The following RAB20 variants were observed in gnomAD, a reference collection of about 807,000 sequenced individuals.
The protein encoded by RAB20 is RAB20, member RAS oncogene family, also known as ras-related protein Rab-20.
Under a neutral mutation model 3.7 loss-of-function variants are expected in RAB20, and 2 were observed. That is an observed-to-expected ratio of 0.54 (90% CI 0.22 to 1.69). RAB20 has a LOEUF of 1.69. Among genes scored for constraint, RAB20 ranks in the 40% most tolerant of loss-of-function variants. RAB20 has a pLI of 0.19. For missense variants in RAB20, 276 were observed against 311.9 expected, an observed-to-expected ratio of 0.88 and a Z score of 0.87; for synonymous variants, 126 against 130.8, an observed-to-expected ratio of 0.96 and a Z score of 0.25.
intron 1 of RAB20, among the ~76,000 whole-genome samples, chr13:110,550,076 G>A (rs545009657): frequency 1.3e-5 from 2 of 152,062 alleles, no homozygotes; most frequent in Non-Finnish European, 2.9e-5. Context: ...GACAACCAAT[G>A]AAGTCTCCAT....
chr13:110,529,272 C>T (rs1181819471), intron 1 of RAB20, among the ~76,000 whole-genome samples: 5 of 152,332 alleles, frequency 3.3e-5, no homozygotes, highest in Middle Eastern at 3.4e-3. Context: ...TGCTCTGAGC[C>T]GGGCCGTCAG....
At chr13:110,540,275 T>C (rs574775507) in intron 1 of RAB20, among the ~76,000 whole-genome samples, 1 of 152,396 alleles carries the variant, frequency 6.6e-6, no homozygotes, top group African/African-American at 2.4e-5. Context: ...AGATACTCTG[T>C]TGTCCTGTAA....
chr13:110,534,251 C>A lies in RAB20; in HGVS notation c.173-10054G>T, dbSNP rs116716922. Among the ~76,000 whole-genome samples the A allele has an allele frequency of 3.6e-3, 552 of 152,330 alleles. 3 individuals are homozygous for A. Among genetic ancestry groups the A allele is most frequent in the African/African-American group, 0.013 (521 of 41,564 alleles). On this transcript the variant is annotated intron_variant, in intron 1 of 1. Transcript: ENST00000267328. ...CAGCCCCCAGACAGCAACAAAGCAA[C>A]CTTGCCTGAGCTCACACACCCTCTG...
In RAB20 at chr13:110,555,618, T is replaced by G. The variant is rs1473723352; in HGVS notation, c.172+5730A>C. ...TGAGACAGACAGAGGAACTGTTTCC[T>G]CGCAGCTTGGGCAGAGGACGCCACG... On this transcript the variant is annotated intron_variant, in intron 1 of 1. Transcript: ENST00000267328. This position sits in a 1 kb window ranked among gnomAD's most constrained non-coding sequence, Gnocchi z 4.0. Among the ~76,000 whole-genome samples, 4 of 152,202 alleles carry G rather than the reference T, an allele frequency of 2.6e-5. No individual in the cohort carries two copies. The highest frequency in any genetic ancestry group is 5.9e-5 in the Non-Finnish European group (4 of 68,030).
chr13:110,552,378 C>CAA (rs34348476), intron 1 of RAB20, among the ~76,000 whole-genome samples: 62 of 121,522 alleles, frequency 5.1e-4, no homozygotes, highest in South Asian at 5.4e-4. Flanking sequence ...GACTCTGTCT[C>CAA]AAAAAAAAAA....
chr13:110,553,461 A>G (rs1197595770), intron 1 of RAB20, among the ~76,000 whole-genome samples: 2 of 152,220 alleles, frequency 1.3e-5, no homozygotes, highest in African/African-American at 4.8e-5. Context: ...CCAACCAGGG[A>G]TCAGCAAATG....
At chr13:110,543,422 G>A (rs187584994) in intron 1 of RAB20, among the ~76,000 whole-genome samples, 7 of 152,226 alleles carry the variant, frequency 4.6e-5, no homozygotes, top group South Asian at 2.1e-4. Context: ...TGAGAGCCAC[G>A]GCACCTGGCC....
intron 1 of RAB20, among the ~76,000 whole-genome samples, chr13:110,533,779 T>C (rs1046494805): frequency 2.0e-5 from 3 of 152,106 alleles, no homozygotes; most frequent in African/African-American, 4.8e-5. Flanking sequence ...CTGTATTCAA[T>C]TGTTTGTTGA....
chr13:110,549,302 A>G (rs1884908018), intron 1 of RAB20, among the ~76,000 whole-genome samples: 1 of 152,248 alleles, frequency 6.6e-6, no homozygotes, highest in African/African-American at 2.4e-5. Context: ...GCAGGAAGGA[A>G]TATTTCAGAC....
At chr13:110,551,527 A>G (rs1196835767) in intron 1 of RAB20, among the ~76,000 whole-genome samples, 2 of 151,928 alleles carry the variant, frequency 1.3e-5, no homozygotes, top group Non-Finnish European at 2.9e-5. Flanking sequence ...TGGCAGAAAG[A>G]CCCCTCAGTG....
At chr13:110,548,965 G>GGTCC (rs1434859663) in intron 1 of RAB20, among the ~76,000 whole-genome samples, 1 of 152,184 alleles carries the variant, frequency 6.6e-6, no homozygotes, top group African/African-American at 2.4e-5. Flanking sequence ...GTAAGGGCTG[G>GGTCC]GTCCCTACAG....
Position 110,561,512 on chromosome 13 carries a change from T to C in RAB20, c.8A>G (p.Lys3Arg). Residue 3 changes from lysine to arginine, a missense_variant, in exon 1 of 2, where the codon AAG becomes AGG. Transcript: ENST00000267328. MR[K>R]PDSKIVLLGD... Reference sequence around the variant, plus strand: ...CAGGAGCACGATCTTGCTGTCGGGCTTCCTCATCTTCCCGTAAGAACCCCC... The same window carrying C: ...CAGGAGCACGATCTTGCTGTCGGGCCTCCTCATCTTCCCGTAAGAACCCCC... 6.4e-7 allele frequency: 1 copy of C among 1,570,976 alleles called. No homozygotes were observed.
At chr13:110,551,783 G>A (rs1202183300) in intron 1 of RAB20, among the ~76,000 whole-genome samples, 1 of 151,918 alleles carries the variant, frequency 6.6e-6, no homozygotes, top group Non-Finnish European at 1.5e-5. Flanking sequence ...AATTTGATCT[G>A]GCATCATAAA....
chr13:110,546,094 C>CA (rs11377927), intron 1 of RAB20, among the ~76,000 whole-genome samples: 44,138 of 150,196 alleles, frequency 0.29, 6,677 homozygotes, highest in Admixed American at 0.33. Context: ...AGATAGGCAC[C>CA]AAAAAAAAAG....
chr13:110,523,596 C>T lies in RAB20; in HGVS notation c.*69G>A, dbSNP rs1198767256. On this transcript the variant is annotated 3_prime_UTR_variant, in exon 2 of 2. Coordinates refer to ENST00000267328, the MANE Select transcript of RAB20 (RefSeq NM_017817.3). ...ATTCCTTGCTGTTCCTTGCTCCTTT[C>T]AGATCACAGCTTGCCTGGTCAGACC... 2.6e-6 allele frequency: 4 copies of T among 1,555,488 alleles called. No homozygotes were observed. In the East Asian group the frequency reaches 6.8e-5, roughly 26 times the overall value.
chr13:110,524,853 T>A (rs1281373686), intron 1 of RAB20, among the ~76,000 whole-genome samples: 2 of 152,184 alleles, frequency 1.3e-5, no homozygotes, highest in Non-Finnish European at 2.9e-5. Flanking sequence ...GGAATCGGAA[T>A]CCCTGAGGAG....
In RAB20 at chr13:110,548,622, CT is replaced by C. The variant is rs953527816; in HGVS notation, c.172+12725del. Among the ~76,000 whole-genome samples the C allele has an allele frequency of 1.3e-3, 192 of 152,118 alleles. 1 individual carries two copies. The highest frequency in any genetic ancestry group is 4.5e-3 in the African/African-American group (186 of 41,508). On this transcript the variant is annotated intron_variant, in intron 1 of 1. Transcript: ENST00000267328. Reference sequence around the variant, plus strand: ...TTTCTTGGTTAGGTCTGTTCTGTTCCTTTTTTATGCGGGGTCTGTCGGTGGG... The same window carrying C: ...TTTCTTGGTTAGGTCTGTTCTGTTCCTTTTTATGCGGGGTCTGTCGGTGGG...
chr13:110,524,302 C>G, intron 1 of RAB20, 105 bp from the exon 2 acceptor site: 2 of 1,420,480 alleles, frequency 1.4e-6, no homozygotes, highest in Non-Finnish European at 1.9e-6. Flanking sequence ...ATTTTTAGGG[C>G]AACACACACA....
At chr13:110,540,742 C>A (rs1306612859) in intron 1 of RAB20, among the ~76,000 whole-genome samples, 33 of 142,298 alleles carry the variant, frequency 2.3e-4, no homozygotes, top group Middle Eastern at 3.7e-3. Context: ...AACTCCGTCT[C>A]AAAAAAAAAA....
Sources: gnomAD v4.1 joint callset for allele counts (sites outside exome capture counted in the v4.1 genomes callset) on GRCh38, gnomAD v4.1.1 for gene constraint, Gnocchi (gnomAD v3.1) non-coding constraint, MANE v1.5 for transcripts, NCBI Gene and HGNC (gene_info 2026-07-23, HGNC 2026-07-21) for gene names.